Variants in AP2A2 observed in about 807,000 individuals in gnomAD.
AP2A2 encodes the protein AP-2 complex subunit alpha-2.
Under a neutral mutation model 104.2 loss-of-function variants are expected in AP2A2, and 32 were observed. The ratio of observed to expected loss-of-function variants is 0.31; its 90% confidence interval spans 0.23 to 0.41. The LOEUF (loss-of-function observed/expected upper bound fraction) is 0.41. Among genes scored for constraint, AP2A2 ranks in the 10% least tolerant of loss-of-function variants. The probability of loss-of-function intolerance (pLI) is 1.00; values close to 1 mark genes in which losing one functional copy is unlikely to be tolerated. For synonymous variants in AP2A2, 539 were observed against 533.3 expected (o/e 1.01, Z -0.15); for missense variants, 912 against 1,261.0 (o/e 0.72, Z 4.19).
chr11:985,531 C>T lies in AP2A2; in HGVS notation c.911C>T (p.Ala304Val), dbSNP rs374688346. ...TCGAAGAAGGTCCAGCACTCCAACG[C>T]GAAGAATGCCGTGCTCTTCGAGGCC... ...PKSKKVQHSN[A>V]KNAVLFEAIS... The change falls in exon 8 of 22, where the codon GCG becomes GTG. Residue 304 changes from alanine (A) to valine (V), a missense_variant. This residue lies in a region of AP2A2 where 350 missense variants were observed against 487.0 expected (regional missense o/e 0.72). Coordinates refer to ENST00000448903, the MANE Select transcript of AP2A2 (RefSeq NM_012305.4). 2.5e-5 allele frequency: 40 copies of T among 1,613,946 alleles called. No homozygotes were observed. The African/African-American group carries it at 4.3e-4, about 17-fold the overall frequency.
intron 15 of AP2A2, among the ~76,000 whole-genome samples, chr11:1,002,388 A>C (rs1291883158): frequency 1.3e-5 from 2 of 152,238 alleles, no homozygotes; most frequent in African/African-American, 4.8e-5. Context: ...CCCAGTAGAC[A>C]TGTTCCAGGC....
At chr11:952,106 ACAG>A (rs1170791522) in intron 1 of AP2A2, among the ~76,000 whole-genome samples, 2 of 152,160 alleles carry the variant, frequency 1.3e-5, no homozygotes, top group East Asian at 1.9e-4. Context: ...TGGACTCAAA[ACAG>A]CCCTCCCACT....
At chr11:997,015 C>G (rs1349880938) in intron 14 of AP2A2, among the ~76,000 whole-genome samples, 1 of 152,090 alleles carries the variant, frequency 6.6e-6, no homozygotes, top group Non-Finnish European at 1.5e-5. Flanking sequence ...TCACGGGAGC[C>G]CCAGTGAGAG....
intron 1 of AP2A2, chr11:940,823 G>A (rs1853621755): frequency 4.4e-6 from 2 of 456,322 alleles, no homozygotes; most frequent in South Asian, 3.1e-5. Context: ...TCGCTGCAGG[G>A]TGAGGTCTGA....
chr11:994,089 G>A lies in AP2A2; in HGVS notation c.1800G>A (p.Glu600=). 3.7e-6 allele frequency: 6 copies of A among 1,613,068 alleles called. No homozygotes were observed. Among genetic ancestry groups the A allele is most frequent in the Non-Finnish European group, 5.1e-6 (6 of 1,179,848 alleles). The change falls in exon 14 of 22, where the codon GAG becomes GAA. Residue 600 remains glutamate (E), a synonymous_variant. Transcript: ENST00000448903. ...TTTCCAAGGCGACCGTGCTGGAGGA[G>A]ATGCCCCCATTCCCGGAGCGGGAGT... is the stretch of plus-strand genomic sequence containing the variant. ...STDILATVLE[E]MPPFPERESS...
At chr11:934,919 C>A (rs182424563) in intron 1 of AP2A2, among the ~76,000 whole-genome samples, 1 of 150,518 alleles carries the variant, frequency 6.6e-6, no homozygotes, top group Non-Finnish European at 1.5e-5. Context: ...AGTGCAGTGG[C>A]GCAATCTTGG....
chr11:946,857 G>A (rs1853856621), intron 1 of AP2A2: 1 of 151,732 alleles, frequency 6.6e-6, no homozygotes, highest in South Asian at 2.1e-4. Flanking sequence ...AATACATACT[G>A]AAAGGAATGT....
intron 4 of AP2A2, among the ~76,000 whole-genome samples, chr11:974,594 A>AT (rs1248931604): frequency 6.6e-6 from 1 of 150,458 alleles, no homozygotes; most frequent in Non-Finnish European, 1.5e-5. Flanking sequence ...AGGCAGGAGA[A>AT]TCGCTTGAAC....
In AP2A2 at chr11:1,009,330, C is replaced by T; in HGVS notation, c.2540C>T (p.Pro847Leu). The change falls in exon 20 of 22, where the codon CCA becomes CTA. Residue 847 changes from proline (P) to leucine (L), a missense_variant and splice_region_variant. Pro to Leu is a moderately conservative substitution (Grantham distance 98). Transcript: ENST00000448903. ...FFQRWKQLSN[P>L]QQEVQNIFKA... ...CTCGCCTTTGCTGTTTCTCACAGTC[C>T]ACAGCAGGAAGTGCAGAACATCTTC... 1.9e-6 allele frequency: 3 copies of T among 1,613,666 alleles called. No homozygotes were observed. Among genetic ancestry groups the T allele is most frequent in the Non-Finnish European group, 2.5e-6 (3 of 1,179,732 alleles).
intron 16 of AP2A2, among the ~76,000 whole-genome samples, chr11:1,004,660 C>G (rs1416016661): frequency 6.6e-6 from 1 of 151,950 alleles, no homozygotes; most frequent in African/African-American, 2.4e-5. Context: ...CCTGTGGTCC[C>G]AGCTACTTGG....
At chr11:966,854 T>C (rs1854634505) in intron 2 of AP2A2, among the ~76,000 whole-genome samples, 1 of 152,082 alleles carries the variant, frequency 6.6e-6, no homozygotes, top group Admixed American at 6.5e-5. Flanking sequence ...GTTTATCTTA[T>C]TCTACTTGAT....
intron 4 of AP2A2, 100 bp downstream of exon 4, chr11:972,355 TC>T (rs890939566): frequency 1.1e-4 from 141 of 1,274,548 alleles, no homozygotes; most frequent in Non-Finnish European, 1.5e-4. Context: ...TGTTTTACTC[TC>T]CCCATCTTAT....
In AP2A2 at chr11:993,439, GGT is replaced by G. The variant is rs1453046362; in HGVS notation, c.1550+60_1550+61del. On this transcript the variant is annotated intron_variant, in intron 12 of 21. Coordinates refer to ENST00000448903, the MANE Select transcript of AP2A2 (RefSeq NM_012305.4). The surrounding 1 kb of genome is among the most constrained non-coding windows in gnomAD (Gnocchi z 8.2). Reference sequence around the variant, plus strand: ...CGCTCCGGCGGGCCTCTCGGTGGTCGGTGGCAAGAGGCGAGGCACCAGCTGGC... The same window carrying G: ...CGCTCCGGCGGGCCTCTCGGTGGTCGGGCAAGAGGCGAGGCACCAGCTGGC... 7.4e-7 allele frequency: 1 copy of G among 1,342,492 alleles called. No individual in the cohort carries two copies. The highest frequency in any genetic ancestry group is 1.0e-6 in the Non-Finnish European group (1 of 1,003,786). 83.2% of individuals were successfully genotyped at this position (1,342,492 alleles called of 1,614,324 possible). A position where few individuals can be genotyped will look rare whatever the true frequency, so the allele number is the denominator to read the frequency against.
chr11:1,008,253 C>A, intron 18 of AP2A2, 118 bp downstream of exon 18: 3 of 1,377,552 alleles, frequency 2.2e-6, no homozygotes, highest in African/African-American at 1.5e-5. Context: ...TGCGGGTGCT[C>A]ACGGTGCATG....
At chr11:946,426 AAG>A (rs967423560) in intron 1 of AP2A2, 5 of 152,174 alleles carry the variant, frequency 3.3e-5, no homozygotes, top group African/African-American at 1.2e-4. Context: ...CTGTTTCTGA[AAG>A]AGAGACTGTC....
rs143978206 is a variant in AP2A2 at position 968,174 on chromosome 11, C to G, written c.137-1995C>G. Among the ~76,000 whole-genome samples, 104 of 152,270 alleles carry G rather than the reference C, an allele frequency of 6.8e-4. No individual in the cohort carries two copies. The highest frequency in any genetic ancestry group is 2.4e-3 in the African/African-American group (99 of 41,552). On this transcript the variant is annotated intron_variant, in intron 2 of 21. Coordinates refer to ENST00000448903, the MANE Select transcript of AP2A2 (RefSeq NM_012305.4). The surrounding 1 kb of genome is among the most constrained non-coding windows in gnomAD (Gnocchi z 4.2). The stretch of plus-strand genomic sequence containing the variant: ...GGGCCGAGCACTGTGGCTTTCTCCT[C>G]GCGCTGGCGACTTCCGCTGCCCCTC...
At position 975,716 on chromosome 11, in the gene AP2A2, G is replaced by C. The variant is rs1272979399; in HGVS notation, c.474-1379G>C. On this transcript the variant is annotated intron_variant, in intron 4 of 21. Transcript: ENST00000448903. ...CTCGGTCTCCCTCGTGTGAGCCGAC[G>C]TCGGCGAGTAGCTGTGGGATCCTTG... 4.3e-3 allele frequency among the ~76,000 whole-genome samples: 561 copies of C among 130,830 alleles called. 1 individual carries two copies. Among genetic ancestry groups the C allele is most frequent in the Admixed American group, 7.4e-3 (92 of 12,450 alleles). 85.8% of individuals were successfully genotyped at this position (130,830 alleles called of 152,430 possible). A position where few individuals can be genotyped will look rare whatever the true frequency, so the allele number is the denominator to read the frequency against.
chr11:930,575 C>G (rs953714231), intron 1 of AP2A2, among the ~76,000 whole-genome samples: 3 of 151,660 alleles, frequency 2.0e-5, no homozygotes, highest in Non-Finnish European at 4.4e-5. Context: ...GGCTGGAGTG[C>G]AGTGGCGCGA....
intron 1 of AP2A2, among the ~76,000 whole-genome samples, chr11:938,994 C>A (rs1052707881): frequency 6.6e-6 from 1 of 151,962 alleles, no homozygotes; most frequent in African/African-American, 2.4e-5. Context: ...TGGCTCACGC[C>A]TGTAATCCTA....
Sources: gnomAD v4.1 joint callset for allele counts (sites outside exome capture counted in the v4.1 genomes callset) on GRCh38, gnomAD v4.1.1 for gene constraint, gnomAD v4.1.1 regional missense constraint, Gnocchi (gnomAD v3.1) non-coding constraint, MANE v1.5 for transcripts, NCBI Gene and HGNC (gene_info 2026-07-23, HGNC 2026-07-21) for gene names.